The following SMIM19 variants were observed in gnomAD, a reference collection of about 807,000 sequenced individuals.
The protein encoded by SMIM19 is small integral membrane protein 19.
In SMIM19, 6 loss-of-function variants were observed where a neutral mutation model predicts 13.2. The observed-to-expected ratio is 0.45, with a 90% confidence interval of 0.25 to 0.90. The LOEUF is 0.90. SMIM19 is among the 40% of genes least tolerant of loss of function. The probability of loss-of-function intolerance (pLI) is 0.19; values close to 1 mark genes in which losing one functional copy is unlikely to be tolerated. For missense variants in SMIM19, 138 were observed against 131.0 expected (o/e 1.05, Z -0.26); for synonymous variants, 46 against 43.1 (o/e 1.07, Z -0.27).
In SMIM19 at chr8:42,542,321, G is replaced by A; in HGVS notation, c.-57G>A. On this transcript the variant is annotated 5_prime_UTR_variant, in exon 1 of 4. Transcript: ENST00000417410. ...GGATAATTCAGTGACTCTGTGGACT[G>A]CCCAGCACCTGTGAATTGCTTTCCT... 2.4e-6 allele frequency: 1 copy of A among 409,444 alleles called. No homozygotes were observed. The highest frequency in any genetic ancestry group is 3.3e-6 in the Non-Finnish European group (1 of 303,590). The allele number at this position is 409,444 out of a possible 1,614,324, so 25.4% of individuals were successfully genotyped here. A position where few individuals can be genotyped will look rare whatever the true frequency, so the allele number is the denominator to read the frequency against.
At position 42,552,894 on chromosome 8, in the gene SMIM19, A is replaced by T. The variant is rs115827932; in HGVS notation, c.*286A>T. 3.1e-6 allele frequency: 1 copy of T among 323,778 alleles called. No homozygotes were observed. The highest frequency in any genetic ancestry group is 2.1e-5 in the African/African-American group (1 of 47,496). The allele number at this position is 323,778 out of a possible 1,614,324, so 20.1% of individuals were successfully genotyped here. A position where few individuals can be genotyped will look rare whatever the true frequency, so the allele number is the denominator to read the frequency against. On this transcript the variant is annotated 3_prime_UTR_variant, in exon 4 of 4. Coordinates refer to ENST00000417410, the MANE Select transcript of SMIM19 (RefSeq NM_001135674.2). ...TCAGGATACAATCAGTGAGAAATAAAAACACATCTTGGGAAGTGGGAATCC... is the reference window on the plus strand; with the variant it reads ...TCAGGATACAATCAGTGAGAAATAATAACACATCTTGGGAAGTGGGAATCC...
At chr8:42,552,522 T>A in intron 3 of SMIM19, 22 bp from the exon 4 acceptor site, 1 of 1,613,292 alleles carries the variant, frequency 6.2e-7, no homozygotes, top group South Asian at 1.1e-5. Flanking sequence ...ATTTTATCTC[T>A]TCTTTTTCTT....
intron 3 of SMIM19, among the ~76,000 whole-genome samples, chr8:42,550,297 T>G (rs1331499196): frequency 4.6e-5 from 7 of 152,218 alleles, no homozygotes; most frequent in Non-Finnish European, 7.3e-5. Context: ...AATTTCTGTT[T>G]GCAAGGTGTA....
Position 42,552,702 on chromosome 8 carries a change from A to G in SMIM19, c.*94A>G. ...GCTTTAAAAACATTTCTGTCTGCAT[A>G]AAATTATTTTACTTGTAACTTTTCC... On this transcript the variant is annotated 3_prime_UTR_variant, in exon 4 of 4. Coordinates refer to ENST00000417410, the MANE Select transcript of SMIM19 (RefSeq NM_001135674.2). 1 of 1,404,738 alleles carries G rather than the reference A, an allele frequency of 7.1e-7. No homozygotes were observed. Among genetic ancestry groups the G allele is most frequent in the Non-Finnish European group, 9.9e-7 (1 of 1,008,586 alleles). The allele number at this position is 1,404,738 out of a possible 1,614,324, so 87.0% of individuals were successfully genotyped here. A position where few individuals can be genotyped will look rare whatever the true frequency, so the allele number is the denominator to read the frequency against.
At position 42,554,507 on chromosome 8, in the gene SMIM19, A is replaced by G. The variant is rs1813765242; in HGVS notation, c.*1899A>G. ...CCACTAGATAGAGATGGTCCTAACT[A>G]CAAACTAGTAGATTATTTGATGAGC... On this transcript the variant is annotated 3_prime_UTR_variant, in exon 4 of 4. Transcript: ENST00000417410. 1 of 152,252 alleles carries G rather than the reference A, an allele frequency of 6.6e-6. No homozygotes were observed. Among genetic ancestry groups the G allele is most frequent in the Admixed American group, 6.5e-5 (1 of 15,286 alleles). 9.4% of individuals were successfully genotyped at this position (152,252 alleles called of 1,614,324 possible). A position where few individuals can be genotyped will look rare whatever the true frequency, so the allele number is the denominator to read the frequency against.
chr8:42,549,546 C>T (rs576118095), intron 3 of SMIM19, among the ~76,000 whole-genome samples: 1 of 152,126 alleles, frequency 6.6e-6, no homozygotes, highest in East Asian at 1.9e-4. Context: ...ATCACAGAGA[C>T]ACAAAGTAGA....
intron 2 of SMIM19, among the ~76,000 whole-genome samples, chr8:42,547,315 C>T (rs1284872254): frequency 6.6e-6 from 1 of 151,890 alleles, no homozygotes; most frequent in Non-Finnish European, 1.5e-5. Context: ...CAAGATCGTG[C>T]CATTGCACTC....
At chr8:42,543,951 G>A (rs1813382632) in intron 1 of SMIM19, among the ~76,000 whole-genome samples, 1 of 152,094 alleles carries the variant, frequency 6.6e-6, no homozygotes, top group Non-Finnish European at 1.5e-5. Context: ...TTACACTTTG[G>A]CACCAACGAA....
At position 42,553,577 on chromosome 8, in the gene SMIM19, T is replaced by C. The variant is rs541485287; in HGVS notation, c.*969T>C. 6.6e-6 allele frequency: 1 copy of C among 152,382 alleles called. No individual in the cohort carries two copies. Among genetic ancestry groups the C allele is most frequent in the African/African-American group, 2.4e-5 (1 of 41,592 alleles). The allele number at this position is 152,382 out of a possible 1,614,324, so 9.4% of individuals were successfully genotyped here. A position where few individuals can be genotyped will look rare whatever the true frequency, so the allele number is the denominator to read the frequency against. On this transcript the variant is annotated 3_prime_UTR_variant, in exon 4 of 4. Coordinates refer to ENST00000417410, the MANE Select transcript of SMIM19 (RefSeq NM_001135674.2). ...GCTGTACTGTACAATGAAATGTTTT[T>C]ACCTAATTTTTCATGTTTATTTAAA...
intron 3 of SMIM19, 23 bp downstream of exon 3, chr8:42,548,803 G>A: frequency 6.2e-7 from 1 of 1,603,746 alleles, no homozygotes; most frequent in East Asian, 2.2e-5. Flanking sequence ...TGTGCTGAAA[G>A]ATACACATAT....
At chr8:42,548,506 A>G (rs1243470390) in intron 2 of SMIM19, 150 bp from the exon 3 acceptor site, 1 of 951,348 alleles carries the variant, frequency 1.1e-6, no homozygotes, top group Admixed American at 2.0e-5. Context: ...CTTTGAGCCA[A>G]GGAAGCAGCT....
chr8:42,545,363 C>T (rs1034584305), intron 1 of SMIM19, among the ~76,000 whole-genome samples: 10 of 152,156 alleles, frequency 6.6e-5, no homozygotes, highest in Non-Finnish European at 1.3e-4. Flanking sequence ...TCTTTTCATC[C>T]CATAGCTTCT....
chr8:42,550,447 G>T (rs1407734384), intron 3 of SMIM19, among the ~76,000 whole-genome samples: 2 of 152,142 alleles, frequency 1.3e-5, no homozygotes, highest in East Asian at 3.8e-4. Flanking sequence ...GCATGGTTCT[G>T]TTTTTCTAGA....
rs1245834220 is a variant in SMIM19 at position 42,554,994 on chromosome 8, G to A, written c.*2386G>A. 1 of 152,152 alleles carries A rather than the reference G, an allele frequency of 6.6e-6. No homozygotes were observed. The highest frequency in any genetic ancestry group is 1.9e-4 in the East Asian group (1 of 5,192). The allele number at this position is 152,152 out of a possible 1,614,324, so 9.4% of individuals were successfully genotyped here. A position where few individuals can be genotyped will look rare whatever the true frequency, so the allele number is the denominator to read the frequency against. ...TCCAAGGACACAGATGTTTGCTGTT[G>A]ACCTCACGCTGTGTCTGGTTGAGTT... On this transcript the variant is annotated 3_prime_UTR_variant, in exon 4 of 4. Coordinates refer to ENST00000417410, the MANE Select transcript of SMIM19 (RefSeq NM_001135674.2).
At position 42,546,445 on chromosome 8, in the gene SMIM19, C is replaced by T. The variant is rs764607807; in HGVS notation, c.-4-24C>T. 1.9e-6 allele frequency: 3 copies of T among 1,582,324 alleles called. No individual in the cohort carries two copies. The Admixed American group carries it at 5.9e-5, about 31-fold the overall frequency. ...GCTACCATCATTAATTAAAAGAAACCCTGCTTTCTTTTCTCTCTTACAGCC... is the reference window on the plus strand; with the variant it reads ...GCTACCATCATTAATTAAAAGAAACTCTGCTTTCTTTTCTCTCTTACAGCC... On this transcript the variant is annotated intron_variant, in intron 1 of 3. Transcript: ENST00000417410.
chr8:42,544,415 A>G lies in SMIM19; in HGVS notation c.-5+2042A>G, dbSNP rs917073217. Among the ~76,000 whole-genome samples, 296 of 126,842 alleles carry G rather than the reference A, an allele frequency of 2.3e-3. 1 individual carries two copies. Among genetic ancestry groups the G allele is most frequent in the South Asian group, 5.7e-3 (23 of 4,004 alleles). 83.2% of individuals were successfully genotyped at this position (126,842 alleles called of 152,430 possible). On this transcript the variant is annotated intron_variant, in intron 1 of 3. Transcript: ENST00000417410. ...GACAGAGCGAGACTCTGTCTCAGGG[A>G]AAAAAAAAAAAAAAAATGCCAAATG...
upstream of SMIM19, chr8:42,541,358 C>A (rs1382712944): frequency 1.0e-3 from 152 of 148,024 alleles, no homozygotes; most frequent in Admixed American, 0.01. Flanking sequence ...CCCGCGGGAG[C>A]CCGGGAGTCG....
In SMIM19 at chr8:42,553,296, A is replaced by AT. The variant is rs35516634; in HGVS notation, c.*693dup. The stretch of plus-strand genomic sequence containing the variant: ...AATTTTAGAAGCTTTCTGTAACTAG[A>AT]TTTTTCCTCATTATGCTCCCAGGAG... On this transcript the variant is annotated 3_prime_UTR_variant, in exon 4 of 4. Coordinates refer to ENST00000417410, the MANE Select transcript of SMIM19 (RefSeq NM_001135674.2). 0.68 allele frequency: 104,126 copies of AT among 152,064 alleles called. 36,502 individuals carry two copies. Among genetic ancestry groups the AT allele is most frequent in the African/African-American group, 0.84 (34,979 of 41,470 alleles). The allele number at this position is 152,064 out of a possible 1,614,324, so 9.4% of individuals were successfully genotyped here.
intron 3 of SMIM19, among the ~76,000 whole-genome samples, chr8:42,551,873 G>A (rs1377597212): frequency 2.0e-5 from 3 of 152,220 alleles, no homozygotes; most frequent in Non-Finnish European, 4.4e-5. Flanking sequence ...GAGCCTGGGA[G>A]GTCAAAGCAG....
Sources: gnomAD v4.1 joint callset for allele counts (sites outside exome capture counted in the v4.1 genomes callset) on GRCh38, gnomAD v4.1.1 for gene constraint, MANE v1.5 for transcripts, NCBI Gene and HGNC (gene_info 2026-07-23, HGNC 2026-07-21) for gene names.